The following AGK variants were observed in gnomAD, a reference collection of about 807,000 sequenced individuals.
The protein encoded by AGK is acylglycerol kinase, mitochondrial.
Under a neutral mutation model 66.4 loss-of-function variants are expected in AGK, and 52 were observed. The ratio of observed to expected loss-of-function variants is 0.78; its 90% CI spans 0.63 to 0.99. The LOEUF (loss-of-function observed/expected upper bound fraction) is 0.99, where lower values mean the gene tolerates loss of function less well. AGK is among the 50% of genes least tolerant of loss of function. AGK has a pLI of 0.00. For missense variants in AGK, 451 were observed against 506.6 expected (o/e 0.89, Z 1.05); for synonymous variants, 182 against 181.1 (o/e 1.00, Z -0.04).
intron 13 of AGK, among the ~76,000 whole-genome samples, chr7:141,647,575 A>C (rs1168563392): frequency 6.6e-6 from 1 of 152,126 alleles, no homozygotes; most frequent in African/African-American, 2.4e-5. Context: ...TATCACATGG[A>C]AGTTGCTCGA....
At chr7:141,596,844 A>C (rs912621480) in intron 4 of AGK, 6 of 550,906 alleles carry the variant, frequency 1.1e-5, no homozygotes. Context: ...AAACTTGTCT[A>C]ATTGAAGTTT....
chr7:141,571,220 C>G (rs928338417), intron 2 of AGK, among the ~76,000 whole-genome samples: 2 of 152,214 alleles, frequency 1.3e-5, no homozygotes, highest in Non-Finnish European at 2.9e-5. Flanking sequence ...TCACTGTGTT[C>G]TAGCCCCAGC....
chr7:141,574,674 A>T (rs1014881851), intron 2 of AGK, among the ~76,000 whole-genome samples: 8 of 152,204 alleles, frequency 5.3e-5, no homozygotes, highest in African/African-American at 1.9e-4. Flanking sequence ...TTTTTCATTA[A>T]GTCATTTCCC....
intron 13 of AGK, among the ~76,000 whole-genome samples, chr7:141,646,188 C>T (rs1369198452): frequency 1.3e-5 from 2 of 152,124 alleles, no homozygotes; most frequent in Non-Finnish European, 2.9e-5. Context: ...AGGAGAGCCG[C>T]ACCCAGAACC....
intron 13 of AGK, among the ~76,000 whole-genome samples, chr7:141,644,629 T>C (rs1797366376): frequency 6.6e-6 from 1 of 152,198 alleles, no homozygotes; most frequent in Non-Finnish European, 1.5e-5. Context: ...TTTTGGTACA[T>C]TTATTAAAAG....
At chr7:141,617,233 T>G (rs1796726333) in intron 8 of AGK, among the ~76,000 whole-genome samples, 1 of 152,136 alleles carries the variant, frequency 6.6e-6, no homozygotes, top group Non-Finnish European at 1.5e-5. Flanking sequence ...GATCCAAGGG[T>G]AGACCATTTT....
rs374588012 is a variant in AGK, at chr7:141,604,374, G to A, written c.297+3094G>A. ...CATATGTATGAATGTGTGTGTGTGTGTATATATATATATATATATATATAT... is the reference window on the plus strand; with the variant it reads ...CATATGTATGAATGTGTGTGTGTGTATATATATATATATATATATATATAT... On this transcript the variant is annotated intron_variant, in intron 5 of 15. Coordinates refer to ENST00000649286, the MANE Select transcript of AGK (RefSeq NM_018238.4). Among the ~76,000 whole-genome samples the A allele has an allele frequency of 1.6e-3, 182 of 113,794 alleles. 1 individual carries two copies. Among genetic ancestry groups the A allele is most frequent in the African/African-American group, 5.0e-3 (146 of 29,224 alleles). The allele number at this position is 113,794 out of a possible 152,430, so 74.7% of individuals were successfully genotyped here. A position where few individuals can be genotyped will look rare whatever the true frequency, so the allele number is the denominator to read the frequency against.
chr7:141,608,725 C>G (rs762398238), intron 5 of AGK, among the ~76,000 whole-genome samples: 1 of 152,172 alleles, frequency 6.6e-6, no homozygotes, highest in Admixed American at 6.6e-5. Flanking sequence ...GGTAGCTCAT[C>G]CACTTACTTG....
intron 10 of AGK, 54 bp downstream of exon 10, chr7:141,634,034 C>A: frequency 1.4e-6 from 2 of 1,460,910 alleles, no homozygotes; most frequent in Non-Finnish European, 1.9e-6. Context: ...CTTATTCTGT[C>A]CCTGCCTTTC....
intron 13 of AGK, among the ~76,000 whole-genome samples, chr7:141,647,672 TATTG>T (rs967949373): frequency 7.9e-5 from 12 of 152,130 alleles, no homozygotes; most frequent in African/African-American, 1.9e-4. Context: ...AAATTATTTT[TATTG>T]ATTGATTGAT....
At chr7:141,603,251 A>C (rs1796380711) in intron 5 of AGK, among the ~76,000 whole-genome samples, 1 of 152,138 alleles carries the variant, frequency 6.6e-6, no homozygotes, top group African/African-American at 2.4e-5. Flanking sequence ...TCCCACTGTA[A>C]TTGTGGATTT....
chr7:141,651,279 A>G (rs923330698), intron 14 of AGK, among the ~76,000 whole-genome samples: 1 of 152,330 alleles, frequency 6.6e-6, no homozygotes, highest in East Asian at 1.9e-4. Context: ...CAATTTTTAA[A>G]TCAAATTAAG....
rs180954920 is a variant in AGK at position 141,577,633 on chromosome 7, G to A, written c.102-15513G>A. 2.9e-3 allele frequency among the ~76,000 whole-genome samples: 438 copies of A among 152,088 alleles called. 4 individuals carry two copies. The highest frequency in any genetic ancestry group is 9.8e-3 in the African/African-American group (405 of 41,498). On this transcript the variant is annotated intron_variant, in intron 2 of 15. Transcript: ENST00000649286. ...CCTTGCGGACTGAATTCCAGGTTCCGCCCCAGAGCAGGAGAGGCCAGTCTC... is the reference window on the plus strand; with the variant it reads ...CCTTGCGGACTGAATTCCAGGTTCCACCCCAGAGCAGGAGAGGCCAGTCTC...
intron 5 of AGK, among the ~76,000 whole-genome samples, chr7:141,605,199 T>C (rs1461620942): frequency 1.3e-5 from 2 of 152,228 alleles, no homozygotes; most frequent in Admixed American, 1.3e-4. Context: ...CCTAAAGTTA[T>C]GGATTCTCAG....
chr7:141,630,113 C>G (rs1335370797), intron 9 of AGK, among the ~76,000 whole-genome samples: 2 of 152,180 alleles, frequency 1.3e-5, no homozygotes, highest in Non-Finnish European at 2.9e-5. Context: ...TCATCAGCAG[C>G]AGCATCATCA....
intron 2 of AGK, among the ~76,000 whole-genome samples, chr7:141,585,952 A>G (rs546434340): frequency 6.6e-6 from 1 of 152,340 alleles, no homozygotes; most frequent in Non-Finnish European, 1.5e-5. Context: ...TTCAGTTCTC[A>G]GAAGACAGCA....
intron 2 of AGK, among the ~76,000 whole-genome samples, chr7:141,583,724 G>A (rs1297211060): frequency 6.6e-6 from 1 of 151,962 alleles, no homozygotes; most frequent in Non-Finnish European, 1.5e-5. Context: ...CGTGACTGGT[G>A]CCGGAGTTTT....
chr7:141,625,399 GA>G (rs1796915485), intron 9 of AGK, among the ~76,000 whole-genome samples: 1 of 151,742 alleles, frequency 6.6e-6, no homozygotes, highest in African/African-American at 2.4e-5. Context: ...ACCGAGGCTG[GA>G]GTGCAGTGGC....
At chr7:141,633,259 TA>T (rs1183253323) in intron 9 of AGK, among the ~76,000 whole-genome samples, 2 of 152,198 alleles carry the variant, frequency 1.3e-5, no homozygotes, top group African/African-American at 4.8e-5. Context: ...TTATAATTTT[TA>T]AGGAAGGTTC....
Sources: allele counts gnomAD v4.1 joint callset (sites outside exome capture counted in the v4.1 genomes callset), GRCh38; gene constraint gnomAD v4.1.1; transcripts MANE v1.5; gene names NCBI Gene and HGNC (gene_info 2026-07-23, HGNC 2026-07-21).